CREB3L1: variants seen among roughly 807,000 people sequenced by gnomAD.
The protein encoded by CREB3L1 is cyclic AMP-responsive element-binding protein 3-like protein 1.
CREB3L1 carries 33 observed loss-of-function variants against 54.5 expected under a neutral mutation model. That is an observed-to-expected ratio of 0.61 (90% confidence interval 0.46 to 0.81). CREB3L1 has a LOEUF of 0.81. Ranked by LOEUF, CREB3L1 falls within the 30% of genes least tolerant of loss-of-function variation. The probability of loss-of-function intolerance (pLI) is 0.00; values close to 1 mark genes in which losing one functional copy is unlikely to be tolerated. For missense variants in CREB3L1, 656 were observed against 673.3 expected (o/e 0.97, Z 0.29); for synonymous variants, 284 against 286.4 (o/e 0.99, Z 0.08).
rs1205464527 is a variant in CREB3L1 at position 46,278,073 on chromosome 11, G to A, written c.-39G>A. The A allele has an allele frequency of 3.7e-6, 5 of 1,362,910 alleles. No individual in the cohort carries two copies. Among genetic ancestry groups the A allele is most frequent in the Non-Finnish European group, 5.1e-6 (5 of 985,814 alleles). 84.4% of individuals were successfully genotyped at this position (1,362,910 alleles called of 1,614,324 possible). A position where few individuals can be genotyped will look rare whatever the true frequency, so the allele number is the denominator to read the frequency against. The stretch of plus-strand genomic sequence containing the variant: ...TGGGCGCGCCGCCGCCCTGGAGTGA[G>A]GGAAGCCCAGTGGAAGGGGGTCCCG... On this transcript the variant is annotated 5_prime_UTR_variant, in exon 1 of 12. Transcript: ENST00000621158. The surrounding 1 kb of genome is among the most constrained non-coding windows in gnomAD (Gnocchi z 4.2).
chr11:46,293,571 C>T (rs748633931), intron 1 of CREB3L1, among the ~76,000 whole-genome samples: 5 of 152,234 alleles, frequency 3.3e-5, no homozygotes, highest in South Asian at 4.1e-4. Context: ...CCGCGGCTGG[C>T]GCCAGCCTGC....
intron 4 of CREB3L1, 164 bp from the exon 5 acceptor site, chr11:46,310,868 T>G: frequency 9.5e-7 from 1 of 1,057,914 alleles, no homozygotes; most frequent in Non-Finnish European, 1.3e-6. Context: ...ACTGTCTTTC[T>G]GACCCTGCAG....
chr11:46,320,407 C>G lies in CREB3L1; in HGVS notation c.1402C>G (p.Gln468Glu). ...PAEQRPRDHL[Q>E]HDHLDSTHET... is the part of the protein sequence containing the mutation. ...AGAGCAGCGGCCCCGGGACCACCTG[C>G]AGCATGATCACCTGGACAGCACCCA... The change falls in exon 11 of 12, where the codon CAG becomes GAG. Residue 468 changes from glutamine to glutamate, a missense_variant. Physicochemically the swap from Gln to Glu is conservative, Grantham distance 29 (BLOSUM62 2). Transcript: ENST00000621158. 6.2e-7 allele frequency: 1 copy of G among 1,611,284 alleles called. No homozygotes were observed. The highest frequency in any genetic ancestry group is 8.5e-7 in the Non-Finnish European group (1 of 1,178,828).
At chr11:46,304,159 G>A (rs1158085830) in intron 2 of CREB3L1, among the ~76,000 whole-genome samples, 1 of 152,130 alleles carries the variant, frequency 6.6e-6, no homozygotes, top group Non-Finnish European at 1.5e-5. Context: ...CCTGCCCCCA[G>A]AGAGTTGTTG....
At chr11:46,317,903 G>A (rs1437872776) in intron 10 of CREB3L1, among the ~76,000 whole-genome samples, 2 of 152,218 alleles carry the variant, frequency 1.3e-5, no homozygotes, top group Non-Finnish European at 2.9e-5. Flanking sequence ...GGTGGTGGTA[G>A]CTGCCTGAAA....
chr11:46,284,765 T>C (rs1939033026), intron 1 of CREB3L1, among the ~76,000 whole-genome samples: 1 of 152,132 alleles, frequency 6.6e-6, no homozygotes, highest in Non-Finnish European at 1.5e-5. Context: ...AGGAGTCCTA[T>C]GGAGAGTCAA....
Position 46,295,616 on chromosome 11 carries a change from C to T in CREB3L1, c.103-4319C>T, listed in dbSNP as rs957467602. ...GACCCTCCTCCGCGCGAGCCCTGCA[C>T]TCCTCCGGTGCCCTCCACGCCGCCA... On this transcript the variant is annotated intron_variant, in intron 1 of 11. Coordinates refer to ENST00000621158, the MANE Select transcript of CREB3L1 (RefSeq NM_052854.4). The surrounding 1 kb of genome is among the most constrained non-coding windows in gnomAD (Gnocchi z 4.6). 4.6e-5 allele frequency among the ~76,000 whole-genome samples: 7 copies of T among 152,336 alleles called. No individual in the cohort carries two copies. Among genetic ancestry groups the T allele is most frequent in the Admixed American group, 2.6e-4 (4 of 15,312 alleles).
intron 1 of CREB3L1, among the ~76,000 whole-genome samples, chr11:46,291,184 G>A (rs544354029): frequency 9.2e-5 from 14 of 152,316 alleles, no homozygotes; most frequent in Non-Finnish European, 1.9e-4. Context: ...TTGGAAGGGA[G>A]ATAGAGACAA....
chr11:46,316,171 G>A, intron 8 of CREB3L1, 115 bp from the exon 9 acceptor site: 1 of 663,042 alleles, frequency 1.5e-6, no homozygotes, highest in Non-Finnish European at 2.7e-6. Context: ...TATCTTGACT[G>A]AAACGGGCAC....
Position 46,278,868 on chromosome 11 carries a change from T to G in CREB3L1, c.102+655T>G, listed in dbSNP as rs1938925071. ...CTGCTCTGTCCCTCTGTTCCTGGAGTCTGGCTGACTTTCTCCCTCTCCCTA... is the reference window on the plus strand; with the variant it reads ...CTGCTCTGTCCCTCTGTTCCTGGAGGCTGGCTGACTTTCTCCCTCTCCCTA... On this transcript the variant is annotated intron_variant, in intron 1 of 11. Transcript: ENST00000621158. The surrounding 1 kb of genome is among the most constrained non-coding windows in gnomAD (Gnocchi z 4.2). Among the ~76,000 whole-genome samples the G allele has an allele frequency of 6.6e-6, 1 of 152,076 alleles. No individual in the cohort carries two copies.
Position 46,308,024 on chromosome 11 carries a change from C to T in CREB3L1, c.516+24C>T, listed in dbSNP as rs535774627. The T allele has an allele frequency of 3.5e-4, 516 of 1,488,990 alleles. 4 individuals carry two copies. The highest frequency in any genetic ancestry group is 3.3e-3 in the South Asian group (253 of 75,994). The allele number at this position is 1,488,990 out of a possible 1,614,324, so 92.2% of individuals were successfully genotyped here. On this transcript the variant is annotated intron_variant, in intron 3 of 11. Coordinates refer to ENST00000621158, the MANE Select transcript of CREB3L1 (RefSeq NM_052854.4). ...AGGTGAGCCTGGGAACTGTTTGTAG[C>T]GGCTGAGGGAGGGAGGAGGGCTGGT...
intron 2 of CREB3L1, among the ~76,000 whole-genome samples, chr11:46,306,314 G>A (rs972287906): frequency 2.0e-5 from 3 of 152,058 alleles, no homozygotes; most frequent in Non-Finnish European, 2.9e-5. Flanking sequence ...TCAGGAGTTC[G>A]AGACCAGCCT....
At chr11:46,287,457 T>C (rs1939070793) in intron 1 of CREB3L1, among the ~76,000 whole-genome samples, 1 of 151,990 alleles carries the variant, frequency 6.6e-6, no homozygotes, top group African/African-American at 2.4e-5. Context: ...TACCACCATG[T>C]CTGGCTAATT....
At chr11:46,309,894 G>C in intron 3 of CREB3L1, 95 bp from the exon 4 acceptor site, 1 of 984,246 alleles carries the variant, frequency 1.0e-6, no homozygotes, top group Non-Finnish European at 1.6e-6. Flanking sequence ...CAACTGTGCA[G>C]GGCAGGCAAC....
chr11:46,296,945 G>C (rs1210469197), intron 1 of CREB3L1, among the ~76,000 whole-genome samples: 1 of 152,214 alleles, frequency 6.6e-6, no homozygotes, highest in Non-Finnish European at 1.5e-5. Context: ...ATCTGCCTGA[G>C]CCAAGGCCTT....
At chr11:46,293,188 C>T (rs547922149) in intron 1 of CREB3L1, among the ~76,000 whole-genome samples, 3 of 152,252 alleles carry the variant, frequency 2.0e-5, no homozygotes, top group Admixed American at 6.5e-5. Context: ...ACTCGGTTTC[C>T]GGTGTCCTAA....
chr11:46,283,765 C>G (rs1243740149), intron 1 of CREB3L1, among the ~76,000 whole-genome samples: 2 of 151,948 alleles, frequency 1.3e-5, no homozygotes, highest in African/African-American at 4.8e-5. Flanking sequence ...TACCTGAAGT[C>G]CTGGCTGCTT....
intron 1 of CREB3L1, among the ~76,000 whole-genome samples, chr11:46,283,686 C>A (rs1413151866): frequency 6.6e-6 from 1 of 152,010 alleles, no homozygotes; most frequent in African/African-American, 2.4e-5. Context: ...TTGAGACCAG[C>A]CTGGGCAACA....
Position 46,299,954 on chromosome 11 carries a change from A to C in CREB3L1, c.122A>C (p.Asp41Ala). 1 of 1,613,770 alleles carries C rather than the reference A, an allele frequency of 6.2e-7. No individual in the cohort carries two copies. The highest frequency in any genetic ancestry group is 1.1e-5 in the South Asian group (1 of 91,060). Residue 41 changes from aspartate to alanine, a missense_variant, in exon 2 of 12, where the codon GAC becomes GCC. By Grantham distance (126) the Asp-to-Ala change is moderately radical. Coordinates refer to ENST00000621158, the MANE Select transcript of CREB3L1 (RefSeq NM_052854.4). ...LNNAHFPEHL[D>A]HFTENMEDFS... is the part of the protein sequence containing the mutation. ...CCCTAGCACTTTCCTGAGCACCTGG[A>C]CCACTTTACGGAGAACATGGAGGAC...
Sources: allele counts gnomAD v4.1 joint callset (sites outside exome capture counted in the v4.1 genomes callset), GRCh38; gene constraint gnomAD v4.1.1; non-coding constraint Gnocchi (gnomAD v3.1); transcripts MANE v1.5; gene names NCBI Gene and HGNC (gene_info 2026-07-23, HGNC 2026-07-21).